Variants in RSRC1 observed in about 807,000 individuals in gnomAD.
RSRC1 encodes arginine and serine rich coiled-coil 1.
Under a neutral mutation model 49.1 loss-of-function variants are expected in RSRC1, and 39 were observed. The ratio of observed to expected loss-of-function variants is 0.79; its 90% confidence interval spans 0.61 to 1.04. RSRC1 has a LOEUF of 1.04. Ranked by LOEUF, RSRC1 falls within the 50% of genes least tolerant of loss-of-function variation. The pLI, the probability that RSRC1 is intolerant of heterozygous loss-of-function variation, is 0.00. For synonymous variants in RSRC1, 143 were observed against 130.8 expected, an observed-to-expected ratio of 1.09 and a Z score of -0.63; for missense variants, 388 against 402.4, an observed-to-expected ratio of 0.96 and a Z score of 0.31.
intron 6 of RSRC1, among the ~76,000 whole-genome samples, chr3:158,369,496 T>C (rs966452973): frequency 1.3e-5 from 2 of 152,146 alleles, no homozygotes; most frequent in Non-Finnish European, 2.9e-5. Context: ...GACTGTATGA[T>C]TTTAGTCTGG....
intron 3 of RSRC1, among the ~76,000 whole-genome samples, chr3:158,195,416 A>G (rs1286288481): frequency 9.3e-5 from 14 of 150,482 alleles, no homozygotes; most frequent in Non-Finnish European, 1.2e-4. Context: ...TCAGATGGGT[A>G]GATTGCAAAC....
At chr3:158,322,696 T>G (rs1203811933) in intron 5 of RSRC1, among the ~76,000 whole-genome samples, 24 of 152,204 alleles carry the variant, frequency 1.6e-4, no homozygotes, top group Admixed American at 1.4e-3. Context: ...CTGCCCCTTC[T>G]CACTTCCTCT....
chr3:158,473,791 T>C (rs973187761), intron 7 of RSRC1, among the ~76,000 whole-genome samples: 1 of 152,142 alleles, frequency 6.6e-6, no homozygotes. Flanking sequence ...TATAGTAATA[T>C]AAAATGAAGT....
intron 3 of RSRC1, among the ~76,000 whole-genome samples, chr3:158,162,602 A>G (rs1340290496): frequency 6.6e-6 from 1 of 152,150 alleles, no homozygotes; most frequent in African/African-American, 2.4e-5. Flanking sequence ...TTTTTCAGAT[A>G]TTATTACCTG....
At chr3:158,234,270 G>A (rs981349395) in intron 4 of RSRC1, among the ~76,000 whole-genome samples, 1 of 151,910 alleles carries the variant, frequency 6.6e-6, no homozygotes, top group African/African-American at 2.4e-5. Flanking sequence ...TTGATAATTT[G>A]GGGTTTTAGT....
At chr3:158,535,910 T>A (rs1303660571) in intron 7 of RSRC1, among the ~76,000 whole-genome samples, 1 of 151,582 alleles carries the variant, frequency 6.6e-6, no homozygotes, top group Non-Finnish European at 1.5e-5. Flanking sequence ...AGTCACTGAA[T>A]AGTTAATGAG....
At chr3:158,129,534 G>T (rs147586994) in intron 3 of RSRC1, among the ~76,000 whole-genome samples, 3,850 of 151,912 alleles carry the variant, frequency 0.025, 149 homozygotes, top group African/African-American at 0.089. Flanking sequence ...CAAGTGATCC[G>T]CCCGCCTTGG....
intron 9 of RSRC1, chr3:158,543,688 C>T (rs534666229): frequency 3.0e-5 from 14 of 467,418 alleles, no homozygotes; most frequent in East Asian, 1.7e-4. Context: ...CTCATGTTGC[C>T]TAACCTGTAG....
At chr3:158,221,797 T>G (rs1722233721) in intron 4 of RSRC1, among the ~76,000 whole-genome samples, 1 of 151,542 alleles carries the variant, frequency 6.6e-6, no homozygotes. Context: ...ATATAGATTC[T>G]GAGGACTGTG....
intron 7 of RSRC1, among the ~76,000 whole-genome samples, chr3:158,472,398 G>T (rs1738175483): frequency 6.6e-6 from 1 of 151,964 alleles, no homozygotes; most frequent in South Asian, 2.1e-4. Context: ...GTACTTTGCA[G>T]TCGAGTACAC....
chr3:158,366,918 G>A (rs922682253), intron 6 of RSRC1, among the ~76,000 whole-genome samples: 3 of 152,124 alleles, frequency 2.0e-5, no homozygotes, highest in Non-Finnish European at 4.4e-5. Flanking sequence ...ATTTGTGAAT[G>A]GGAGTTCACT....
rs149913182 is a variant in RSRC1 at position 158,489,087 on chromosome 3, C to A, written c.652+28084C>A. On this transcript the variant is annotated intron_variant, in intron 7 of 9. Transcript: ENST00000611884. ...AAGAAATTATGCTTGTATTTTAATC[C>A]ACTTAAAGTTTATTATTTTCATTTT... 4.1e-3 allele frequency among the ~76,000 whole-genome samples: 622 copies of A among 152,226 alleles called. 5 individuals carry two copies. Among genetic ancestry groups the A allele is most frequent in the African/African-American group, 0.014 (601 of 41,528 alleles).
chr3:158,356,093 A>G (rs370727833), intron 6 of RSRC1, among the ~76,000 whole-genome samples: 1 of 151,980 alleles, frequency 6.6e-6, no homozygotes, highest in Non-Finnish European at 1.5e-5. Flanking sequence ...GTAATCACCT[A>G]TTTTTGGACC....
intron 5 of RSRC1, among the ~76,000 whole-genome samples, chr3:158,350,742 C>T (rs1005239573): frequency 1.3e-5 from 2 of 152,022 alleles, no homozygotes; most frequent in African/African-American, 2.4e-5. Flanking sequence ...ATATTCTTTG[C>T]GTCTGTATTT....
chr3:158,316,438 A>ATTTTTTTTTTTTTTTTTTTTTTTTTTTTT, intron 5 of RSRC1, among the ~76,000 whole-genome samples: 1 of 72,240 alleles, frequency 1.4e-5, no homozygotes, highest in African/African-American at 6.4e-5. Context: ...AGAATCTCTC[A>ATTTTTTTTTTTTTTTTTTTTTTTTTTTTT]TTTTTTTTTT....
intron 4 of RSRC1, among the ~76,000 whole-genome samples, chr3:158,260,245 C>G (rs1724813413): frequency 6.6e-6 from 1 of 152,160 alleles, no homozygotes. Context: ...ACATACTATT[C>G]AGGGCTCAAA....
At chr3:158,220,566 C>G (rs1396291530) in intron 4 of RSRC1, among the ~76,000 whole-genome samples, 1 of 151,562 alleles carries the variant, frequency 6.6e-6, no homozygotes, top group African/African-American at 2.4e-5. Flanking sequence ...GGTATTACCT[C>G]TATCATATGT....
chr3:158,413,966 C>A lies in RSRC1; in HGVS notation c.584-46969C>A, dbSNP rs115060750. On this transcript the variant is annotated intron_variant, in intron 6 of 9. Coordinates refer to ENST00000611884, the MANE Select transcript of RSRC1 (RefSeq NM_001271838.2). ...CCTAGATCCAGAAATAACATTTGAACCAGCAATTCCATTACTGGAATTATA... is the reference window on the plus strand; with the variant it reads ...CCTAGATCCAGAAATAACATTTGAAACAGCAATTCCATTACTGGAATTATA... 5.3e-3 allele frequency among the ~76,000 whole-genome samples: 811 copies of A among 152,192 alleles called. 8 individuals carry two copies. Among genetic ancestry groups the A allele is most frequent in the African/African-American group, 0.019 (789 of 41,516 alleles).
intron 3 of RSRC1, among the ~76,000 whole-genome samples, chr3:158,138,698 A>G (rs1337941841): frequency 6.6e-6 from 1 of 152,210 alleles, no homozygotes; most frequent in East Asian, 1.9e-4. Context: ...TTGTGTTATA[A>G]CAAACTATAG....
Sources: allele counts gnomAD v4.1 joint callset (sites outside exome capture counted in the v4.1 genomes callset), GRCh38; gene constraint gnomAD v4.1.1; transcripts MANE v1.5; gene names NCBI Gene and HGNC (gene_info 2026-07-23, HGNC 2026-07-21).